NTNG1: variants seen among roughly 807,000 people sequenced by gnomAD.
The protein encoded by NTNG1 is netrin-G1.
A neutral mutation model predicts 54.0 loss-of-function variants in NTNG1; 16 were observed. The ratio of observed to expected loss-of-function variants is 0.30; its 90% CI spans 0.20 to 0.45. NTNG1 has a LOEUF of 0.45. Ranked by LOEUF, NTNG1 falls within the 20% of genes least tolerant of loss-of-function variation. The pLI is 1.00. For missense variants in NTNG1, 530 were observed against 678.7 expected, an observed-to-expected ratio of 0.78 and a Z score of 2.43; for synonymous variants, 255 against 263.1, an observed-to-expected ratio of 0.97 and a Z score of 0.30.
intron 2 of NTNG1, among the ~76,000 whole-genome samples, chr1:107,234,338 G>T (rs2101546839): frequency 6.6e-6 from 1 of 152,150 alleles, no homozygotes; most frequent in South Asian, 2.1e-4. Flanking sequence ...GGCCAAGCTG[G>T]TCTTTAACTC....
chr1:107,255,817 A>G (rs1265172920), intron 2 of NTNG1, among the ~76,000 whole-genome samples: 2 of 152,196 alleles, frequency 1.3e-5, no homozygotes, highest in Non-Finnish European at 2.9e-5. Flanking sequence ...CCTGTTTTTC[A>G]TAGCATCCCT....
intron 7 of NTNG1, among the ~76,000 whole-genome samples, chr1:107,469,418 A>G (rs1472584640): frequency 6.6e-6 from 1 of 152,174 alleles, no homozygotes; most frequent in African/African-American, 2.4e-5. Context: ...CTAATAATAG[A>G]CAGACATCCA....
At chr1:107,326,132 T>C (rs954550715) in intron 3 of NTNG1, among the ~76,000 whole-genome samples, 4 of 152,088 alleles carry the variant, frequency 2.6e-5, no homozygotes, top group Admixed American at 1.3e-4. Context: ...TTGATCATAG[T>C]GTGGTGTCAA....
intron 2 of NTNG1, among the ~76,000 whole-genome samples, chr1:107,239,855 G>T (rs1176913465): frequency 6.6e-6 from 1 of 152,152 alleles, no homozygotes; most frequent in Non-Finnish European, 1.5e-5. Flanking sequence ...GAAATAAATT[G>T]AAGATAATAC....
chr1:107,463,065 T>C (rs541059458), intron 7 of NTNG1, among the ~76,000 whole-genome samples: 2 of 152,178 alleles, frequency 1.3e-5, no homozygotes, highest in Non-Finnish European at 2.9e-5. Context: ...ACCAGGAAAG[T>C]AGGTTTCTCC....
chr1:107,346,621 G>C (rs1229537528), intron 3 of NTNG1, among the ~76,000 whole-genome samples: 4 of 152,072 alleles, frequency 2.6e-5, no homozygotes, highest in African/African-American at 9.7e-5. Flanking sequence ...TTATATCCAA[G>C]ATAAAATGTT....
chr1:107,397,931 A>T (rs1317988308), intron 4 of NTNG1, among the ~76,000 whole-genome samples: 2 of 151,708 alleles, frequency 1.3e-5, no homozygotes, highest in African/African-American at 2.4e-5. Context: ...CAGTTTTATG[A>T]TTCTCACTTC....
chr1:107,278,545 T>C (rs1394099370), intron 2 of NTNG1, among the ~76,000 whole-genome samples: 2 of 152,182 alleles, frequency 1.3e-5, no homozygotes, highest in East Asian at 3.9e-4. Context: ...TTGAAGGTCT[T>C]TTATTCATTG....
At chr1:107,163,101 T>C (rs1029793081) in intron 2 of NTNG1, among the ~76,000 whole-genome samples, 1 of 152,188 alleles carries the variant, frequency 6.6e-6, no homozygotes, top group Non-Finnish European at 1.5e-5. Context: ...AAAGTAGCAA[T>C]GATAAGTCTT....
intron 3 of NTNG1, among the ~76,000 whole-genome samples, chr1:107,360,433 A>T (rs554074353): frequency 3.9e-5 from 6 of 152,288 alleles, no homozygotes; most frequent in Non-Finnish European, 1.5e-5. Context: ...AGAGAAATAG[A>T]AAGTACAGTA....
chr1:107,405,447 T>C (rs1210135341), intron 4 of NTNG1, among the ~76,000 whole-genome samples: 2 of 152,108 alleles, frequency 1.3e-5, no homozygotes, highest in Non-Finnish European at 2.9e-5. Context: ...AGAAAACATC[T>C]TAGTGAGAAA....
chr1:107,379,301 C>T (rs1671497809), intron 3 of NTNG1, among the ~76,000 whole-genome samples: 1 of 152,174 alleles, frequency 6.6e-6, no homozygotes, highest in Non-Finnish European at 1.5e-5. Context: ...TTTCTATGGT[C>T]ATCTCTACGG....
At chr1:107,174,033 C>T (rs1200034386) in intron 2 of NTNG1, among the ~76,000 whole-genome samples, 1 of 151,980 alleles carries the variant, frequency 6.6e-6, no homozygotes, top group Admixed American at 6.6e-5. Flanking sequence ...AAAGATAAAA[C>T]AGGATTGTTC....
intron 2 of NTNG1, among the ~76,000 whole-genome samples, chr1:107,263,357 T>C (rs1284065758): frequency 1.3e-5 from 2 of 151,966 alleles, no homozygotes; most frequent in Non-Finnish European, 2.9e-5. Context: ...TTTTTTTTCC[T>C]TTACAAAGCC....
intron 7 of NTNG1, among the ~76,000 whole-genome samples, chr1:107,440,691 G>A (rs1486497258): frequency 6.6e-6 from 1 of 152,012 alleles, no homozygotes; most frequent in Middle Eastern, 3.2e-3. Flanking sequence ...TTGACCTGGG[G>A]GCTTCTAAAA....
intron 5 of NTNG1, among the ~76,000 whole-genome samples, chr1:107,412,877 C>T (rs989792787): frequency 1.3e-5 from 2 of 152,088 alleles, no homozygotes; most frequent in Non-Finnish European, 2.9e-5. Flanking sequence ...ATGCTTATGC[C>T]TACTCTGCGA....
chr1:107,191,664 G>A (rs1246540692), intron 2 of NTNG1, among the ~76,000 whole-genome samples: 2 of 150,268 alleles, frequency 1.3e-5, no homozygotes, highest in African/African-American at 4.9e-5. Flanking sequence ...AGTTTTCCCA[G>A]CACCATTTAT....
chr1:107,303,613 T>C (rs774041643), intron 2 of NTNG1, among the ~76,000 whole-genome samples: 2 of 152,192 alleles, frequency 1.3e-5, no homozygotes, highest in Non-Finnish European at 2.9e-5. Context: ...CTAGATTCTC[T>C]TCTCCACTTA....
chr1:107,178,781 T>C (rs1249182862), intron 2 of NTNG1, among the ~76,000 whole-genome samples: 1 of 152,220 alleles, frequency 6.6e-6, no homozygotes, highest in Non-Finnish European at 1.5e-5. Flanking sequence ...TCTCTTGCAT[T>C]AAGTTTCACT....
Sources: gnomAD v4.1 joint callset for allele counts (sites outside exome capture counted in the v4.1 genomes callset) on GRCh38, gnomAD v4.1.1 for gene constraint, MANE v1.5 for transcripts, NCBI Gene and HGNC (gene_info 2026-07-23, HGNC 2026-07-21) for gene names.